Variants in NXPE4 observed in about 807,000 individuals in gnomAD.
NXPE4 encodes NXPE family member 4.
NXPE4 carries 42 observed loss-of-function variants against 33.3 expected under a neutral mutation model. The observed-to-expected ratio is 1.26, with a 90% CI of 0.98 to 1.63. The LOEUF (loss-of-function observed/expected upper bound fraction) is 1.63, where lower values mean the gene tolerates loss of function less well. NXPE4 is among the 40% of genes most tolerant of loss of function. The probability of loss-of-function intolerance (pLI) is 0.00; values close to 1 mark genes in which losing one functional copy is unlikely to be tolerated. For missense variants in NXPE4, 709 were observed against 647.6 expected (o/e 1.09, Z -1.03); for synonymous variants, 253 against 234.9 (o/e 1.08, Z -0.71).
chr11:114,574,730 G>C (rs927373651), intron 5 of NXPE4, among the ~76,000 whole-genome samples: 1 of 151,950 alleles, frequency 6.6e-6, no homozygotes, highest in Admixed American at 6.6e-5. Flanking sequence ...AAAAGTTCAG[G>C]ATAGATTCAC....
upstream of NXPE4, among the ~76,000 whole-genome samples, chr11:114,600,635 T>A (rs1949626437): frequency 6.6e-6 from 1 of 152,058 alleles, no homozygotes; most frequent in Admixed American, 6.6e-5. Flanking sequence ...TAAGGAGACA[T>A]GATGACTAAA....
the NXPE4 span, among the ~76,000 whole-genome samples, chr11:114,672,340 A>T: frequency 1.3e-5 from 2 of 152,048 alleles, no homozygotes; most frequent in African/African-American, 4.8e-5. Context: ...CAAAATATAC[A>T]GCAATAATTA....
At chr11:114,602,435 T>G in the NXPE4 span, among the ~76,000 whole-genome samples, 2 of 133,704 alleles carry the variant, frequency 1.5e-5, no homozygotes, top group Non-Finnish European at 1.5e-5. Context: ...AATGTAATTA[T>G]AATATATAAT....
the NXPE4 span, among the ~76,000 whole-genome samples, chr11:114,611,131 A>G: frequency 6.7e-6 from 1 of 149,444 alleles, no homozygotes; most frequent in Non-Finnish European, 1.5e-5. Context: ...GTATTGCCTC[A>G]TGGGTCCTCA....
the NXPE4 span, among the ~76,000 whole-genome samples, chr11:114,637,350 T>C: frequency 6.6e-6 from 1 of 151,976 alleles, no homozygotes; most frequent in Admixed American, 6.6e-5. Flanking sequence ...TTTGAGCCCA[T>C]GTGTGTCTCT....
At chr11:114,577,137 A>G (rs1284247070) in intron 5 of NXPE4, among the ~76,000 whole-genome samples, 1 of 142,568 alleles carries the variant, frequency 7.0e-6, no homozygotes, top group East Asian at 2.0e-4. Flanking sequence ...TTATATATAT[A>G]TAATGTCATA....
At chr11:114,598,239 T>C (rs1211665754), upstream of NXPE4, among the ~76,000 whole-genome samples, 9 of 152,256 alleles carry the variant, frequency 5.9e-5, no homozygotes, top group East Asian at 1.7e-3. Context: ...CAGGGCACAC[T>C]AACGCAAGGG....
chr11:114,578,081 G>A lies in NXPE4; in HGVS notation c.1099+2051C>T, dbSNP rs148681996. Among the ~76,000 whole-genome samples the A allele has an allele frequency of 2.6e-3, 391 of 152,258 alleles. 5 individuals carry two copies. The highest frequency in any genetic ancestry group is 3.8e-3 in the Non-Finnish European group (257 of 68,018). Reference sequence around the variant, plus strand: ...TTTTATCAGAACATCAGGGCTAACTGCTTTGTAGTTAGAACTTTTGAGGAA... The same window carrying A: ...TTTTATCAGAACATCAGGGCTAACTACTTTGTAGTTAGAACTTTTGAGGAA... On this transcript the variant is annotated intron_variant, in intron 5 of 5. Transcript: ENST00000375478.
the NXPE4 span, among the ~76,000 whole-genome samples, chr11:114,668,443 G>T: frequency 6.6e-6 from 1 of 151,716 alleles, no homozygotes; most frequent in East Asian, 2.0e-4. Flanking sequence ...AATACACAGA[G>T]GATACAGAAA....
chr11:114,611,884 C>T, the NXPE4 span, among the ~76,000 whole-genome samples: 3 of 151,848 alleles, frequency 2.0e-5, no homozygotes, highest in South Asian at 4.1e-4. Flanking sequence ...GAAATATTGC[C>T]TCATGGGTAA....
the NXPE4 span, among the ~76,000 whole-genome samples, chr11:114,673,252 G>A: frequency 6.0e-5 from 9 of 151,230 alleles, no homozygotes. Flanking sequence ...GAAATCACAA[G>A]GGAAATCAGA....
In NXPE4 at chr11:114,580,387, G is replaced by A. The variant is rs115062938; in HGVS notation, c.893-49C>T. The A allele has an allele frequency of 1.8e-3, 2,809 of 1,527,668 alleles. 45 individuals carry two copies. The African/African-American group carries it at 0.033, about 18-fold the overall frequency. The allele number at this position is 1,527,668 out of a possible 1,614,324, so 94.6% of individuals were successfully genotyped here. A position where few individuals can be genotyped will look rare whatever the true frequency, so the allele number is the denominator to read the frequency against. ...GATCTTCCAAAACATCAAATTACCC[G>A]TCAGTATGTATTAAGAGCCTTCTAT... is the stretch of plus-strand genomic sequence containing the variant. On this transcript the variant is annotated intron_variant, in intron 4 of 5. Transcript: ENST00000375478.
chr11:114,667,311 C>CAT, the NXPE4 span, among the ~76,000 whole-genome samples: 1 of 152,054 alleles, frequency 6.6e-6, no homozygotes, highest in Non-Finnish European at 1.5e-5. Context: ...TTTTAATAAA[C>CAT]ATAATTATAT....
At chr11:114,614,731 C>T in the NXPE4 span, among the ~76,000 whole-genome samples, 1,932 of 146,240 alleles carry the variant, frequency 0.013, 27 homozygotes, top group African/African-American at 0.041. Context: ...TTGCCTCCTG[C>T]GTAACCAGTG....
At chr11:114,650,288 A>G in the NXPE4 span, among the ~76,000 whole-genome samples, 2 of 152,184 alleles carry the variant, frequency 1.3e-5, no homozygotes, top group African/African-American at 4.8e-5. Flanking sequence ...ATAAAAATGA[A>G]TTGTTAAACG....
At chr11:114,600,734 A>G (rs1307736177), upstream of NXPE4, among the ~76,000 whole-genome samples, 1 of 152,058 alleles carries the variant, frequency 6.6e-6, no homozygotes, top group Non-Finnish European at 1.5e-5. Context: ...CTGTAATTTC[A>G]CTGATAGTTA....
At chr11:114,653,604 T>A in the NXPE4 span, among the ~76,000 whole-genome samples, 1 of 147,714 alleles carries the variant, frequency 6.8e-6, no homozygotes, top group Non-Finnish European at 1.5e-5. Context: ...CTCGGCTCAC[T>A]GCAAGCTTCA....
chr11:114,670,007 A>T, the NXPE4 span, among the ~76,000 whole-genome samples: 1 of 152,102 alleles, frequency 6.6e-6, no homozygotes, highest in African/African-American at 2.4e-5. Flanking sequence ...CCATAAACCA[A>T]CTAATTTACC....
intron 1 of NXPE4, 105 bp from the exon 2 acceptor site, chr11:114,594,874 A>C: frequency 1.6e-6 from 1 of 625,084 alleles, no homozygotes; most frequent in Non-Finnish European, 2.8e-6. Flanking sequence ...ATTACTTTTT[A>C]GCCTCAGATA....
Sources: allele counts gnomAD v4.1 joint callset (sites outside exome capture counted in the v4.1 genomes callset), GRCh38; gene constraint gnomAD v4.1.1; transcripts MANE v1.5; gene names NCBI Gene and HGNC (gene_info 2026-07-23, HGNC 2026-07-21).